HMGN1: variants seen among roughly 807,000 people sequenced by gnomAD.
HMGN1 encodes the protein high mobility group nucleosome binding domain 1.
A neutral mutation model predicts 18.4 loss-of-function variants in HMGN1; 9 were observed. The ratio of observed to expected loss-of-function variants is 0.49; its 90% CI spans 0.29 to 0.85. The LOEUF (loss-of-function observed/expected upper bound fraction) is 0.85, where lower values mean the gene tolerates loss of function less well. HMGN1 is among the 40% of genes least tolerant of loss of function. The pLI, the probability that HMGN1 is intolerant of heterozygous loss-of-function variation, is 0.07. For missense variants in HMGN1, 151 were observed against 119.2 expected (o/e 1.27, Z -1.24); for synonymous variants, 59 against 45.0 (o/e 1.31, Z -1.24).
chr21:39,345,338 T>C (rs2037013714), intron 4 of HMGN1, 64 bp from the exon 5 acceptor site: 1 of 1,521,086 alleles, frequency 6.6e-7, no homozygotes, highest in Non-Finnish European at 9.1e-7. Context: ...TTTGTTTTAC[T>C]TTTTCCCCTT....
Position 39,342,567 on chromosome 21 carries a change from A to G in HMGN1, c.*545T>C. 6.5e-6 allele frequency: 2 copies of G among 307,800 alleles called. No individual in the cohort carries two copies. Among genetic ancestry groups the G allele is most frequent in the East Asian group, 1.7e-4 (2 of 11,846 alleles). The allele number at this position is 307,800 out of a possible 1,614,324, so 19.1% of individuals were successfully genotyped here. A position where few individuals can be genotyped will look rare whatever the true frequency, so the allele number is the denominator to read the frequency against. ...CACAACTCAACAGCACGTACACTAC[A>G]TGTTCAAATCTGTAATCTTTCACAG... On this transcript the variant is annotated 3_prime_UTR_variant, in exon 6 of 6. Coordinates refer to ENST00000380749, the MANE Select transcript of HMGN1 (RefSeq NM_004965.7).
At chr21:39,347,548 A>C in intron 4 of HMGN1, 1 of 550,428 alleles carries the variant, frequency 1.8e-6, no homozygotes, top group South Asian at 1.5e-5. Context: ...GCAAACTCTC[A>C]CCTAAGTTTT....
At chr21:39,346,738 T>G (rs758676734) in intron 4 of HMGN1, 2 of 152,262 alleles carry the variant, frequency 1.3e-5, no homozygotes, top group Non-Finnish European at 2.9e-5. Flanking sequence ...CTGTTTAGAC[T>G]TCAAAGTCTG....
intron 1 of HMGN1, 42 bp from the exon 2 acceptor site, chr21:39,348,619 C>T: frequency 1.3e-6 from 2 of 1,539,316 alleles, no homozygotes; most frequent in East Asian, 2.4e-5. Context: ...GGCCGCAGTC[C>T]CAGGACTCGC....
chr21:39,342,398 TTCTA>T lies in HMGN1; in HGVS notation c.*710_*713del. Reference sequence around the variant, plus strand: ...ACAAATCTTAACATACGTAACGAAATTCTAAAAAGCCATGTATTGTAATTCTTTT... The same window carrying T: ...ACAAATCTTAACATACGTAACGAAATAAAAGCCATGTATTGTAATTCTTTT... On this transcript the variant is annotated 3_prime_UTR_variant, in exon 6 of 6. Coordinates refer to ENST00000380749, the MANE Select transcript of HMGN1 (RefSeq NM_004965.7). The T allele has an allele frequency of 5.6e-6, 1 of 180,150 alleles. No homozygotes were observed. The highest frequency in any genetic ancestry group is 1.1e-4 in the South Asian group (1 of 8,958). The allele number at this position is 180,150 out of a possible 1,614,324, so 11.2% of individuals were successfully genotyped here. A position where few individuals can be genotyped will look rare whatever the true frequency, so the allele number is the denominator to read the frequency against.
Position 39,349,057 on chromosome 21 carries a change from G to A in HMGN1, c.-140C>T. 2.1e-6 allele frequency: 2 copies of A among 969,786 alleles called. No homozygotes were observed. The highest frequency in any genetic ancestry group is 2.6e-6 in the Non-Finnish European group (2 of 765,838). The allele number at this position is 969,786 out of a possible 1,614,324, so 60.1% of individuals were successfully genotyped here. A position where few individuals can be genotyped will look rare whatever the true frequency, so the allele number is the denominator to read the frequency against. ...CTCCTCCCGCCGCCCGAGCTGCTGA[G>A]ACCCACAGCGGGGGCGGTGGGAGAA... On this transcript the variant is annotated 5_prime_UTR_variant, in exon 1 of 6. Transcript: ENST00000380749.
chr21:39,344,907 A>G (rs772405837), intron 5 of HMGN1, among the ~76,000 whole-genome samples: 1 of 152,346 alleles, frequency 6.6e-6, no homozygotes, highest in Admixed American at 6.5e-5. Flanking sequence ...AGATTGAATT[A>G]TATCTGAAAT....
intron 5 of HMGN1, 88 bp from the exon 6 acceptor site, chr21:39,343,247 T>C: frequency 4.6e-6 from 6 of 1,298,968 alleles, no homozygotes; most frequent in African/African-American, 3.0e-5. Context: ...AAAAAGTCAA[T>C]AACCTTTGTT....
In HMGN1 at chr21:39,345,160, T is replaced by A; in HGVS notation, c.241A>T (p.Thr81Ser). 1 of 1,583,640 alleles carries A rather than the reference T, an allele frequency of 6.3e-7. No homozygotes were observed. Among genetic ancestry groups the A allele is most frequent in the Non-Finnish European group, 8.6e-7 (1 of 1,164,386 alleles). Residue 81 changes from threonine to serine, a missense_variant, in exon 5 of 6, where the codon ACG (threonine) becomes TCG (serine). Physicochemically the swap from Thr to Ser is moderately conservative, Grantham distance 58. Coordinates refer to ENST00000380749, the MANE Select transcript of HMGN1 (RefSeq NM_004965.7). Reference protein sequence around the residue: ...KEDLPAENGETKTEESPASDE... With the variant: ...KEDLPAENGESKTEESPASDE... ...ACACTTCTGACCTCCTCAGTCTTCG[T>A]TTCCCCGTTTTCCGCAGGTAAGTCT... is the stretch of plus-strand genomic sequence containing the variant.
Position 39,348,564 on chromosome 21 carries a change from T to C in HMGN1, c.29A>G (p.Glu10Gly), listed in dbSNP as rs1369613414. The C allele has an allele frequency of 6.2e-6, 10 of 1,600,514 alleles. No individual in the cohort carries two copies. The highest frequency in any genetic ancestry group is 1.1e-5 in the South Asian group (1 of 90,760). MPKRKVSSA[E>G]GAAKEEPKRR... Reference sequence around the variant, plus strand: ...ACTCACCTCTTCCTTGGCGGCGCCTTCGGCGGAGCTGACCTGCGGAGACGG... The same window carrying C: ...ACTCACCTCTTCCTTGGCGGCGCCTCCGGCGGAGCTGACCTGCGGAGACGG... The change falls in exon 2 of 6, where the codon GAA becomes GGA. Residue 10 changes from glutamate to glycine, a missense_variant. Transcript: ENST00000380749.
intron 4 of HMGN1, chr21:39,347,860 TAA>T (rs34451214): frequency 1.1e-5 from 1 of 94,874 alleles, no homozygotes; most frequent in Admixed American, 1.6e-4. Flanking sequence ...CCCCACCCCG[TAA>T]AAAGGTTAAG....
chr21:39,345,116 C>A, intron 5 of HMGN1, 30 bp downstream of exon 5: 1 of 1,482,080 alleles, frequency 6.7e-7, no homozygotes, highest in East Asian at 2.5e-5. Context: ...CAATCACACA[C>A]ACACACACAC....
At chr21:39,344,244 G>A (rs1379938712) in intron 5 of HMGN1, among the ~76,000 whole-genome samples, 6 of 80,124 alleles carry the variant, frequency 7.5e-5, no homozygotes, top group South Asian at 4.2e-4. Flanking sequence ...CAACAAGAGC[G>A]AAATTCCGTC....
chr21:39,343,293 CTT>C (rs1287058986), intron 5 of HMGN1, 134 bp from the exon 6 acceptor site: 2 of 811,072 alleles, frequency 2.5e-6, no homozygotes, highest in African/African-American at 1.7e-5. Flanking sequence ...TGTTAAAAAA[CTT>C]TTGTTAACCA....
intron 4 of HMGN1, 68 bp from the exon 5 acceptor site, chr21:39,345,342 T>C (rs2146855160): frequency 6.6e-7 from 1 of 1,505,910 alleles, no homozygotes. Context: ...TTTTACTTTT[T>C]CCCCTTCATG....
In HMGN1 at chr21:39,348,296, G is replaced by A. The variant is rs1168067986; in HGVS notation, c.122C>T (p.Ala41Val). 6.2e-7 allele frequency: 1 copy of A among 1,613,960 alleles called. No homozygotes were observed. Among genetic ancestry groups the A allele is most frequent in the Non-Finnish European group, 8.5e-7 (1 of 1,179,968 alleles). The change falls in exon 4 of 6, where the codon GCG becomes GTG. Residue 41 changes from alanine (A) to valine (V), a missense_variant. Physicochemically the swap from Ala to Val is moderately conservative, Grantham distance 64. Transcript: ENST00000380749. ...AATGCGCGTTTCGAGGCTTACCTTC[G>A]CTGCTGCCTTTTTCGGCTTCGCTTC... The part of the protein sequence containing the change: ...KVEAKPKKAA[A>V]KDKSSDKKVQ...
chr21:39,343,237 A>C (rs543740915), intron 5 of HMGN1, 78 bp from the exon 6 acceptor site: 155 of 1,390,052 alleles, frequency 1.1e-4, no homozygotes, highest in South Asian at 3.0e-4. Flanking sequence ...CAGGTCTTTA[A>C]AAAAGTCAAT....
At chr21:39,344,742 CTA>C in intron 5 of HMGN1, 1 of 159,872 alleles carries the variant, frequency 6.3e-6, no homozygotes, top group Non-Finnish European at 1.4e-5. Flanking sequence ...TTTACTTGAT[CTA>C]TGTTATTATT....
chr21:39,347,363 C>T, intron 4 of HMGN1: 1 of 1,088,730 alleles, frequency 9.2e-7, no homozygotes, highest in Non-Finnish European at 1.2e-6. Flanking sequence ...AAAGAAAAAA[C>T]ATCTTTGTTT....
Sources: allele counts gnomAD v4.1 joint callset (sites outside exome capture counted in the v4.1 genomes callset), GRCh38; gene constraint gnomAD v4.1.1; transcripts MANE v1.5; gene names NCBI Gene and HGNC (gene_info 2026-07-23, HGNC 2026-07-21).